The following PPFIA2 variants were observed in gnomAD, a reference collection of about 807,000 sequenced individuals.
PPFIA2 encodes liprin-alpha-2.
PPFIA2 carries 46 observed loss-of-function variants against 175.5 expected under a neutral mutation model. That is an observed-to-expected ratio of 0.26 (90% CI 0.21 to 0.34). The LOEUF (loss-of-function observed/expected upper bound fraction) is 0.34, where lower values mean the gene tolerates loss of function less well. Ranked by LOEUF, PPFIA2 falls within the 10% of genes least tolerant of loss-of-function variation. The pLI is 1.00. For missense variants in PPFIA2, 1,179 were observed against 1,506.1 expected (o/e 0.78, Z 3.60); for synonymous variants, 568 against 511.4 (o/e 1.11, Z -1.49).
intron 4 of PPFIA2, among the ~76,000 whole-genome samples, chr12:81,605,244 G>T (rs1210288461): frequency 2.0e-5 from 3 of 151,906 alleles, no homozygotes; most frequent in Non-Finnish European, 2.9e-5. Context: ...AGAATTTGGG[G>T]ATTTAAATAC....
chr12:81,367,848 CT>C (rs1263109391), intron 13 of PPFIA2, among the ~76,000 whole-genome samples: 2 of 151,464 alleles, frequency 1.3e-5, no homozygotes, highest in African/African-American at 4.8e-5. Context: ...ATAATGTATT[CT>C]TTTTCAAAGT....
intron 28 of PPFIA2, among the ~76,000 whole-genome samples, chr12:81,273,670 T>C (rs2039755579): frequency 1.3e-5 from 2 of 152,136 alleles, no homozygotes; most frequent in Non-Finnish European, 2.9e-5. Context: ...CAGCCTCACA[T>C]CTCTCTACTT....
intron 4 of PPFIA2, among the ~76,000 whole-genome samples, chr12:81,646,237 G>C (rs1357904182): frequency 6.6e-6 from 1 of 152,124 alleles, no homozygotes. Flanking sequence ...TTGCTACAGG[G>C]GAAAGGCAGG....
intron 4 of PPFIA2, among the ~76,000 whole-genome samples, chr12:81,602,694 C>A (rs181745980): frequency 6.6e-6 from 1 of 151,794 alleles, no homozygotes; most frequent in East Asian, 1.9e-4. Context: ...TATTTTGGTC[C>A]TTGAAGTTTT....
chr12:81,395,036 G>A (rs1705360685), intron 8 of PPFIA2, among the ~76,000 whole-genome samples: 1 of 151,902 alleles, frequency 6.6e-6, no homozygotes, highest in Admixed American at 6.6e-5. Flanking sequence ...AACTGAAAAG[G>A]AAGAGAAGAG....
At chr12:81,325,945 G>T (rs2054670709) in intron 21 of PPFIA2, 75 bp from the exon 22 acceptor site, 1 of 1,063,528 alleles carries the variant, frequency 9.4e-7, no homozygotes. Context: ...GTTGTTAAAG[G>T]TTTAGTTGAG....
Position 81,457,840 on chromosome 12 carries a change from T to G in PPFIA2, c.330A>C (p.Leu110Phe). Reference sequence around the variant, plus strand: ...CTAGAAGTTGTTCCCTGCAGGCATTTAATTCTTTTGTCAGTGCAGCAAATT... The same window carrying G: ...CTAGAAGTTGTTCCCTGCAGGCATTGAATTCTTTTGTCAGTGCAGCAAATT... ...PPEFAALTKE[L>F]NACREQLLEK... The change falls in exon 5 of 33, where the codon TTA becomes TTC. Residue 110 changes from leucine to phenylalanine, a missense_variant. Around this residue, in one of 10 missense-constraint regions of PPFIA2, gnomAD observed 128 missense variants for 141.4 expected, o/e 0.91. Coordinates refer to ENST00000549396, the MANE Select transcript of PPFIA2 (RefSeq NM_003625.5). 6.2e-7 allele frequency: 1 copy of G among 1,607,660 alleles called. No individual in the cohort carries two copies. Among genetic ancestry groups the G allele is most frequent in the Non-Finnish European group, 8.5e-7 (1 of 1,177,188 alleles).
At chr12:81,346,507 A>T (rs1409845782) in intron 18 of PPFIA2, among the ~76,000 whole-genome samples, 1 of 148,880 alleles carries the variant, frequency 6.7e-6, no homozygotes, top group Admixed American at 6.7e-5. Flanking sequence ...TGAAATACAT[A>T]TATTACATAT....
At chr12:81,359,337 A>G (rs2061302361) in intron 15 of PPFIA2, among the ~76,000 whole-genome samples, 2 of 152,044 alleles carry the variant, frequency 1.3e-5, no homozygotes, top group South Asian at 4.1e-4. Flanking sequence ...GGGGCATTAG[A>G]ACAAATGAAC....
rs553933702 is a variant in PPFIA2, at chr12:81,467,920, T to C, written c.304-10054A>G. ...TTGAATGAAGCTCCCACCTCACCCT[T>C]TGGGCTCCTGCTCTAAGTTTGAGTG... On this transcript the variant is annotated intron_variant, in intron 4 of 32. Transcript: ENST00000549396. Among the ~76,000 whole-genome samples the C allele has an allele frequency of 7.9e-5, 12 of 152,170 alleles. No homozygotes were observed. The South Asian group carries it at 1.5e-3, about 18-fold the overall frequency.
chr12:81,562,226 A>G (rs1183794486), intron 4 of PPFIA2, among the ~76,000 whole-genome samples: 1 of 152,214 alleles, frequency 6.6e-6, no homozygotes, highest in Non-Finnish European at 1.5e-5. Flanking sequence ...AGTGAAAGAA[A>G]CATAAAAATT....
At chr12:81,580,962 C>T (rs1055188272) in intron 4 of PPFIA2, among the ~76,000 whole-genome samples, 1 of 151,610 alleles carries the variant, frequency 6.6e-6, no homozygotes, top group African/African-American at 2.4e-5. Flanking sequence ...GAGGTAAGCG[C>T]AACATTATAT....
chr12:81,711,118 C>T (rs530286053), intron 3 of PPFIA2, among the ~76,000 whole-genome samples: 126 of 151,068 alleles, frequency 8.3e-4, no homozygotes, highest in Non-Finnish European at 1.5e-3. Context: ...GTCCCAGTGA[C>T]TTGGGAGGCT....
At chr12:81,388,954 A>T (rs919571083) in intron 8 of PPFIA2, among the ~76,000 whole-genome samples, 2 of 149,422 alleles carry the variant, frequency 1.3e-5, no homozygotes, top group African/African-American at 4.9e-5. Flanking sequence ...ACACACCATT[A>T]TATATATATA....
In PPFIA2 at chr12:81,330,180, C is replaced by T. The variant is rs116954608; in HGVS notation, c.2549-4310G>A. Among the ~76,000 whole-genome samples, 919 of 152,170 alleles carry T rather than the reference C, an allele frequency of 6.0e-3. 3 individuals are homozygous for T. The highest frequency in any genetic ancestry group is 0.024 in the South Asian group (117 of 4,818). ...TGAACAGAGGATTCTCATGCTCCTACGCACGATAGCAACAACAACAACAAC... is the reference window on the plus strand; with the variant it reads ...TGAACAGAGGATTCTCATGCTCCTATGCACGATAGCAACAACAACAACAAC... On this transcript the variant is annotated intron_variant, in intron 21 of 32. Coordinates refer to ENST00000549396, the MANE Select transcript of PPFIA2 (RefSeq NM_003625.5).
At chr12:81,572,079 G>T (rs758802059) in intron 4 of PPFIA2, among the ~76,000 whole-genome samples, 8 of 152,182 alleles carry the variant, frequency 5.3e-5, no homozygotes, top group Non-Finnish European at 1.0e-4. Context: ...TGATCACCTT[G>T]TCACTCTGCT....
intron 22 of PPFIA2, 98 bp downstream of exon 22, chr12:81,325,679 A>C: frequency 1.2e-6 from 1 of 853,202 alleles, no homozygotes; most frequent in Non-Finnish European, 1.8e-6. Context: ...GCTTCAATAT[A>C]GTTCTTTTGT....
chr12:81,619,475 T>C (rs1595686713), intron 4 of PPFIA2, among the ~76,000 whole-genome samples: 1 of 152,208 alleles, frequency 6.6e-6, no homozygotes, highest in South Asian at 2.1e-4. Context: ...CTAGTTTATA[T>C]CTTCACTTGG....
chr12:81,551,474 AACAAAGTGACTATTTACAAAGCACTC>A (rs1321976988), intron 4 of PPFIA2, among the ~76,000 whole-genome samples: 14 of 152,140 alleles, frequency 9.2e-5, no homozygotes, highest in African/African-American at 3.4e-4. Context: ...TACAAATAAA[AACAAAGTGACTATTTACAAAGCACTC>A]ACATTGCATG....
Sources: allele counts gnomAD v4.1 joint callset (sites outside exome capture counted in the v4.1 genomes callset), GRCh38; gene constraint gnomAD v4.1.1; regional missense constraint gnomAD v4.1.1; transcripts MANE v1.5; gene names NCBI Gene and HGNC (gene_info 2026-07-23, HGNC 2026-07-21).